TANC1: variants seen among roughly 807,000 people sequenced by gnomAD.
The protein encoded by TANC1 is tetratricopeptide repeat, ankyrin repeat and coiled-coil containing 1.
In TANC1, 77 loss-of-function variants were observed where a neutral mutation model predicts 149.7. The ratio of observed to expected loss-of-function variants is 0.51; its 90% CI spans 0.43 to 0.62. The LOEUF is 0.62. TANC1 is among the 20% of genes least tolerant of loss of function. The pLI is 0.00. For missense variants in TANC1, 1,985 were observed against 2,321.8 expected (o/e 0.85, Z 2.98); for synonymous variants, 854 against 925.0 (o/e 0.92, Z 1.39).
At chr2:159,027,661 C>T (rs2039455896) in intron 2 of TANC1, among the ~76,000 whole-genome samples, 1 of 152,198 alleles carries the variant, frequency 6.6e-6, no homozygotes, top group South Asian at 2.1e-4. Flanking sequence ...AGCCTCTACT[C>T]ATTGCCCAGT....
chr2:158,977,903 AC>A (rs1337159221), intron 1 of TANC1, among the ~76,000 whole-genome samples: 1 of 151,916 alleles, frequency 6.6e-6, no homozygotes. Flanking sequence ...CTCTTCCCTC[AC>A]CCTACCACCA....
chr2:158,999,101 G>A (rs908147498), intron 1 of TANC1, among the ~76,000 whole-genome samples: 19 of 152,122 alleles, frequency 1.2e-4, no homozygotes, highest in African/African-American at 3.4e-4. Flanking sequence ...CCTGAGGCTG[G>A]GGACAAGCAC....
At chr2:159,216,637 A>AC (rs2059368633) in intron 19 of TANC1, among the ~76,000 whole-genome samples, 1 of 151,934 alleles carries the variant, frequency 6.6e-6, no homozygotes, top group African/African-American at 2.4e-5. Context: ...TGTCGTGAGT[A>AC]CCCCGCCTCG....
chr2:159,108,205 G>A (rs566979629), intron 4 of TANC1, among the ~76,000 whole-genome samples: 1 of 152,344 alleles, frequency 6.6e-6, no homozygotes, highest in African/African-American at 2.4e-5. Context: ...TTTAGGTCCA[G>A]CCTCCCTCTT....
intron 2 of TANC1, among the ~76,000 whole-genome samples, chr2:159,063,335 G>T (rs906338472): frequency 3.3e-5 from 5 of 152,168 alleles, no homozygotes; most frequent in African/African-American, 9.7e-5. Context: ...GGCCCCTAGG[G>T]TCTATTCCTA....
chr2:159,093,742 C>G (rs945092233), intron 3 of TANC1, among the ~76,000 whole-genome samples: 2 of 151,918 alleles, frequency 1.3e-5, no homozygotes, highest in Non-Finnish European at 2.9e-5. Context: ...ACCCCCCTCC[C>G]CCTCCCTCTT....
At chr2:159,089,740 A>G (rs2045329597) in intron 3 of TANC1, among the ~76,000 whole-genome samples, 1 of 152,226 alleles carries the variant, frequency 6.6e-6, no homozygotes, top group East Asian at 1.9e-4. Context: ...CCCAGAGCCC[A>G]TCAATGACAG....
At chr2:159,095,713 G>C (rs1249071763) in intron 3 of TANC1, among the ~76,000 whole-genome samples, 1 of 133,108 alleles carries the variant, frequency 7.5e-6, no homozygotes, top group Non-Finnish European at 1.5e-5. Flanking sequence ...TCCAGCCTGG[G>C]CAACACAGCA....
intron 1 of TANC1, among the ~76,000 whole-genome samples, chr2:158,987,213 C>CAAAA (rs34300029): frequency 5.3e-5 from 4 of 76,038 alleles, no homozygotes; most frequent in East Asian, 8.4e-4. Flanking sequence ...GACTCATCTC[C>CAAAA]AAAAAAAAAA....
chr2:159,049,846 C>T (rs916772465), intron 2 of TANC1, among the ~76,000 whole-genome samples: 3 of 152,044 alleles, frequency 2.0e-5, no homozygotes, highest in African/African-American at 7.3e-5. Flanking sequence ...TAGTTTTGGA[C>T]ATGTTGAGGT....
intron 2 of TANC1, among the ~76,000 whole-genome samples, chr2:159,031,913 G>T (rs1351223299): frequency 6.6e-6 from 1 of 152,150 alleles, no homozygotes; most frequent in Non-Finnish European, 1.5e-5. Context: ...ATTGATCACA[G>T]AATCCTAACA....
intron 15 of TANC1, among the ~76,000 whole-genome samples, chr2:159,186,202 A>G (rs1470736283): frequency 6.6e-6 from 1 of 152,014 alleles, no homozygotes; most frequent in African/African-American, 2.4e-5. Context: ...CACTTTGTTC[A>G]TTACTTTTTG....
intron 18 of TANC1, among the ~76,000 whole-genome samples, chr2:159,198,654 T>G (rs745696296): frequency 1.3e-5 from 2 of 152,378 alleles, no homozygotes; most frequent in Middle Eastern, 3.4e-3. Context: ...ATGCAGAAAC[T>G]GCACTTTGTG....
At chr2:159,076,987 T>A (rs2043756292) in intron 3 of TANC1, among the ~76,000 whole-genome samples, 1 of 151,104 alleles carries the variant, frequency 6.6e-6, no homozygotes, top group Non-Finnish European at 1.5e-5. Context: ...TTCATTTTGT[T>A]TTTTTTTTTC....
intron 25 of TANC1, 45 bp downstream of exon 25, chr2:159,228,010 G>A (rs2150990263): frequency 3.8e-6 from 6 of 1,594,016 alleles, no homozygotes; most frequent in Non-Finnish European, 5.1e-6. Flanking sequence ...CAGCAACAGA[G>A]CCCTTCTCCA....
At chr2:158,971,074 T>G (rs915887923) in intron 1 of TANC1, among the ~76,000 whole-genome samples, 7 of 152,298 alleles carry the variant, frequency 4.6e-5, no homozygotes, top group African/African-American at 1.4e-4. Flanking sequence ...CCACACACGA[T>G]TTATTTGGTG....
chr2:159,207,176 G>A (rs2058663922), intron 19 of TANC1, among the ~76,000 whole-genome samples: 1 of 152,198 alleles, frequency 6.6e-6, no homozygotes, highest in Admixed American at 6.5e-5. Flanking sequence ...TTCGTGCCAT[G>A]GCATACTAAA....
At chr2:159,029,107 C>G (rs973177046) in intron 2 of TANC1, among the ~76,000 whole-genome samples, 1 of 152,120 alleles carries the variant, frequency 6.6e-6, no homozygotes, top group African/African-American at 2.4e-5. Context: ...TGCTGTTTAT[C>G]CTTCTGTGAC....
chr2:159,175,446 G>A (rs2055747943), intron 12 of TANC1, among the ~76,000 whole-genome samples: 1 of 152,222 alleles, frequency 6.6e-6, no homozygotes, highest in Non-Finnish European at 1.5e-5. Flanking sequence ...AAAGTAGTCA[G>A]CTTGTAAGTG....
Sources: allele counts gnomAD v4.1 joint callset (sites outside exome capture counted in the v4.1 genomes callset), GRCh38; gene constraint gnomAD v4.1.1; transcripts MANE v1.5; gene names NCBI Gene and HGNC (gene_info 2026-07-23, HGNC 2026-07-21).